The following TRAPPC8 variants were observed in gnomAD, a reference collection of about 807,000 sequenced individuals.
TRAPPC8 encodes general sporulation gene 1 homolog.
A neutral mutation model predicts 174.3 loss-of-function variants in TRAPPC8; 54 were observed. The ratio of observed to expected loss-of-function variants is 0.31; its 90% CI spans 0.25 to 0.39. The LOEUF is 0.39. Ranked by LOEUF, TRAPPC8 falls within the 10% of genes least tolerant of loss-of-function variation. The pLI is 1.00. For missense variants in TRAPPC8, 1,531 were observed against 1,699.1 expected, an observed-to-expected ratio of 0.90 and a Z score of 1.74; for synonymous variants, 630 against 579.9, an observed-to-expected ratio of 1.09 and a Z score of -1.24.
At chr18:31,883,033 G>A (rs113256718) in intron 12 of TRAPPC8, among the ~76,000 whole-genome samples, 4,333 of 147,940 alleles carry the variant, frequency 0.029, 223 homozygotes, top group African/African-American at 0.1. Flanking sequence ...GACCAGCCTG[G>A]CCAACATGGT....
chr18:31,908,651 T>C (rs2036768760), intron 7 of TRAPPC8, 103 bp downstream of exon 7: 9 of 1,264,164 alleles, frequency 7.1e-6, no homozygotes, highest in Middle Eastern at 2.8e-4. Flanking sequence ...TATTGGCCTA[T>C]CTTAAAACGA....
intron 4 of TRAPPC8, among the ~76,000 whole-genome samples, chr18:31,914,795 G>A (rs750369454): frequency 2.0e-5 from 3 of 152,090 alleles, no homozygotes; most frequent in Non-Finnish European, 2.9e-5. Context: ...AAATTACTGC[G>A]TTTATCCTAT....
intron 12 of TRAPPC8, among the ~76,000 whole-genome samples, chr18:31,885,020 ATT>A (rs11409206): frequency 6.7e-6 from 1 of 148,622 alleles, no homozygotes; most frequent in Admixed American, 6.7e-5. Flanking sequence ...CGCCCGGCTA[ATT>A]TTTTTTTTGG....
intron 27 of TRAPPC8, among the ~76,000 whole-genome samples, chr18:31,838,788 T>C (rs1646769044): frequency 1.3e-5 from 2 of 152,178 alleles, no homozygotes; most frequent in Admixed American, 6.5e-5. Flanking sequence ...ATTGGTCTTT[T>C]CTTCCTAATT....
At chr18:31,879,064 T>A (rs1432731758) in intron 12 of TRAPPC8, among the ~76,000 whole-genome samples, 1 of 152,102 alleles carries the variant, frequency 6.6e-6, no homozygotes, top group Non-Finnish European at 1.5e-5. Context: ...ACTAGACAGA[T>A]CATCGAGGAA....
chr18:31,931,538 A>G lies in TRAPPC8; in HGVS notation c.158-15T>C. The G allele has an allele frequency of 6.5e-7, 1 of 1,531,256 alleles. No individual in the cohort carries two copies. The highest frequency in any genetic ancestry group is 8.8e-7 in the Non-Finnish European group (1 of 1,139,966). 94.9% of individuals were successfully genotyped at this position (1,531,256 alleles called of 1,614,324 possible). ...TCTCATGTGAACTTTAAAGAAAAAA[A>G]GAAAAAAACTTGAAATTAATTCTAT... On this transcript the variant is annotated splice_polypyrimidine_tract_variant and intron_variant, in intron 1 of 28. Coordinates refer to ENST00000283351, the MANE Select transcript of TRAPPC8 (RefSeq NM_014939.5).
chr18:31,913,564 C>CA (rs761851170), intron 4 of TRAPPC8, 42 bp from the exon 5 acceptor site: 1 of 1,496,034 alleles, frequency 6.7e-7, no homozygotes, highest in East Asian at 2.4e-5. Context: ...AAAAGAGGAG[C>CA]AGGCCTTAGG....
At chr18:31,877,925 A>T (rs1422530117) in intron 12 of TRAPPC8, among the ~76,000 whole-genome samples, 6 of 128,642 alleles carry the variant, frequency 4.7e-5, no homozygotes, top group Non-Finnish European at 1.0e-4. Flanking sequence ...CTCTGTCTCA[A>T]AAAAAAAAAA....
At chr18:31,931,627 A>G (rs2037849614) in intron 1 of TRAPPC8, 104 bp from the exon 2 acceptor site, 1 of 819,656 alleles carries the variant, frequency 1.2e-6, no homozygotes, top group Admixed American at 3.3e-5. Context: ...ACAAAGCAGA[A>G]GCCAGCAATT....
At position 31,864,598 on chromosome 18, in the gene TRAPPC8, A is replaced by G. The variant is rs2034497404; in HGVS notation, c.2745+29T>C. 4.4e-6 allele frequency: 7 copies of G among 1,600,576 alleles called. No individual in the cohort carries two copies. In the African/African-American group the frequency reaches 6.7e-5, roughly 15 times the overall value. Reference sequence around the variant, plus strand: ...AATATTTGCTCATATAGATAAATTAAGTCCATGAAATTTTAAAAAGTGAAA... The same window carrying G: ...AATATTTGCTCATATAGATAAATTAGGTCCATGAAATTTTAAAAAGTGAAA... On this transcript the variant is annotated intron_variant, in intron 19 of 28. Transcript: ENST00000283351.
chr18:31,852,782 T>C, intron 22 of TRAPPC8, 119 bp from the exon 23 acceptor site: 1 of 823,882 alleles, frequency 1.2e-6, no homozygotes, highest in South Asian at 1.7e-5. Flanking sequence ...TAAATAATGT[T>C]TAATGAAGAA....
intron 8 of TRAPPC8, 107 bp downstream of exon 8, chr18:31,908,196 A>G (rs931383819): frequency 2.4e-5 from 14 of 576,472 alleles, no homozygotes; most frequent in Non-Finnish European, 3.5e-5. Flanking sequence ...TTTCACCAAT[A>G]AGAAACTAAG....
At chr18:31,884,744 T>C (rs2035620230) in intron 12 of TRAPPC8, among the ~76,000 whole-genome samples, 1 of 152,120 alleles carries the variant, frequency 6.6e-6, no homozygotes, top group South Asian at 2.1e-4. Context: ...TTGTAGCTCA[T>C]GGCTGCAATC....
intron 14 of TRAPPC8, among the ~76,000 whole-genome samples, chr18:31,872,175 C>G (rs2034899010): frequency 6.6e-6 from 1 of 151,896 alleles, no homozygotes; most frequent in South Asian, 2.1e-4. Flanking sequence ...AGCTCCAACC[C>G]CAGTTATCGA....
chr18:31,884,854 GTT>G (rs778327825), intron 12 of TRAPPC8, among the ~76,000 whole-genome samples: 9 of 139,128 alleles, frequency 6.5e-5, no homozygotes, highest in Admixed American at 1.4e-4. Context: ...AAAAAATTAA[GTT>G]TTTTTTTTTT....
intron 26 of TRAPPC8, among the ~76,000 whole-genome samples, chr18:31,842,642 C>T (rs1389106838): frequency 6.6e-6 from 1 of 152,164 alleles, no homozygotes; most frequent in Admixed American, 6.5e-5. Context: ...TTTACTTATA[C>T]AGGATGAGCA....
In TRAPPC8 at chr18:31,929,619, T is replaced by C. The variant is rs963523866; in HGVS notation, c.352+1710A>G. 1.8e-4 allele frequency among the ~76,000 whole-genome samples: 27 copies of C among 152,038 alleles called. 1 individual carries two copies. ...AGGTTGAGGCTACAGTGAACTGTGA[T>C]AGCACCACTGCACTCCAGCCTGGTT... On this transcript the variant is annotated intron_variant, in intron 2 of 28. Coordinates refer to ENST00000283351, the MANE Select transcript of TRAPPC8 (RefSeq NM_014939.5).
At chr18:31,868,862 C>G (rs1366207514) in intron 16 of TRAPPC8, among the ~76,000 whole-genome samples, 2 of 152,000 alleles carry the variant, frequency 1.3e-5, no homozygotes, top group Admixed American at 6.6e-5. Flanking sequence ...ACCACCACAT[C>G]TGGCTAATTT....
chr18:31,862,835 C>G (rs1042770741), intron 19 of TRAPPC8, among the ~76,000 whole-genome samples: 3 of 151,992 alleles, frequency 2.0e-5, no homozygotes, highest in Non-Finnish European at 4.4e-5. Flanking sequence ...GTGGGCGGAT[C>G]AGGAGGTCAG....
Sources: gnomAD v4.1 joint callset for allele counts (sites outside exome capture counted in the v4.1 genomes callset) on GRCh38, gnomAD v4.1.1 for gene constraint, MANE v1.5 for transcripts, NCBI Gene and HGNC (gene_info 2026-07-23, HGNC 2026-07-21) for gene names.